NRCAM: variants seen among roughly 807,000 people sequenced by gnomAD.
NRCAM encodes the protein neuronal cell adhesion molecule.
Under a neutral mutation model 156.5 loss-of-function variants are expected in NRCAM, and 83 were observed. That is an observed-to-expected ratio of 0.53 (90% CI 0.44 to 0.64). The LOEUF (loss-of-function observed/expected upper bound fraction) is 0.64, where lower values mean the gene tolerates loss of function less well. NRCAM is among the 30% of genes least tolerant of loss of function. NRCAM has a pLI of 0.00. For missense variants in NRCAM, 1,417 were observed against 1,597.3 expected (o/e 0.89, Z 1.92); for synonymous variants, 538 against 563.9 (o/e 0.95, Z 0.65).
chr7:108,377,873 C>T (rs564761331), intron 2 of NRCAM, among the ~76,000 whole-genome samples: 16 of 152,218 alleles, frequency 1.1e-4, no homozygotes, highest in Admixed American at 3.9e-4. Context: ...CAGAGGATAA[C>T]GGTAGAGTGA....
Position 108,358,045 on chromosome 7 carries a change from A to G in NRCAM, c.-174+41391T>C, listed in dbSNP as rs2099518970. Among the ~76,000 whole-genome samples the G allele has an allele frequency of 2.6e-5, 4 of 152,274 alleles. No individual in the cohort carries two copies. In the South Asian group the frequency reaches 8.3e-4, roughly 32 times the overall value. ...CTTGTGATTGAAATCTTCATAAGCC[A>G]AAGCTAAAAACCACAAATGTTCCCT... On this transcript the variant is annotated intron_variant, in intron 2 of 32. Transcript: ENST00000379028.
At chr7:108,451,296 G>T (rs1850086592) in intron 1 of NRCAM, among the ~76,000 whole-genome samples, 1 of 151,852 alleles carries the variant, frequency 6.6e-6, no homozygotes, top group African/African-American at 2.4e-5. Flanking sequence ...CTATTATCAA[G>T]AAAACAGAAA....
At chr7:108,220,759 A>G (rs1019793067) in intron 11 of NRCAM, among the ~76,000 whole-genome samples, 1 of 152,202 alleles carries the variant, frequency 6.6e-6, no homozygotes, top group Non-Finnish European at 1.5e-5. Flanking sequence ...AAAATATCAT[A>G]GGAAAACCCC....
chr7:108,392,475 A>C (rs1030844965), intron 2 of NRCAM, among the ~76,000 whole-genome samples: 2 of 152,152 alleles, frequency 1.3e-5, no homozygotes, highest in African/African-American at 4.8e-5. Flanking sequence ...CCATTCGTCT[A>C]ATCTTTTTTC....
At chr7:108,434,220 C>G (rs1829369389) in intron 1 of NRCAM, among the ~76,000 whole-genome samples, 1 of 152,186 alleles carries the variant, frequency 6.6e-6, no homozygotes, top group Non-Finnish European at 1.5e-5. Context: ...TTCACTCAAC[C>G]AGGGCAGGAC....
chr7:108,229,011 GA>G (rs1409405236), intron 8 of NRCAM, among the ~76,000 whole-genome samples: 2 of 152,132 alleles, frequency 1.3e-5, no homozygotes, highest in African/African-American at 4.8e-5. Flanking sequence ...TTAAATGTTA[GA>G]GGCAAATTTT....
At chr7:108,372,246 CTG>C (rs2154343274) in intron 2 of NRCAM, among the ~76,000 whole-genome samples, 1 of 152,160 alleles carries the variant, frequency 6.6e-6, no homozygotes, top group South Asian at 2.1e-4. Flanking sequence ...AGCCCTGAAA[CTG>C]TAACACACCT....
intron 3 of NRCAM, among the ~76,000 whole-genome samples, chr7:108,304,761 A>G (rs532874649): frequency 4.1e-4 from 62 of 152,324 alleles, no homozygotes; most frequent in African/African-American, 1.5e-3. Flanking sequence ...CATTTGACTC[A>G]TAACTGAGGG....
At chr7:108,161,123 T>G (rs1227597880) in intron 30 of NRCAM, among the ~76,000 whole-genome samples, 2 of 152,236 alleles carry the variant, frequency 1.3e-5, no homozygotes, top group Non-Finnish European at 2.9e-5. Flanking sequence ...GAGTTGGTTC[T>G]GAGTGGAAAT....
At chr7:108,318,515 C>CA (rs2098959803) in intron 2 of NRCAM, among the ~76,000 whole-genome samples, 1 of 152,164 alleles carries the variant, frequency 6.6e-6, no homozygotes, top group African/African-American at 2.4e-5. Flanking sequence ...ATATCAGGAA[C>CA]GTTCCACAGG....
At chr7:108,404,880 G>A (rs544180724) in intron 1 of NRCAM, among the ~76,000 whole-genome samples, 5 of 152,154 alleles carry the variant, frequency 3.3e-5, no homozygotes, top group South Asian at 2.1e-4. Flanking sequence ...GTTTTGGAAC[G>A]TTTTCTGGCA....
At chr7:108,347,428 C>T (rs1348301329) in intron 2 of NRCAM, among the ~76,000 whole-genome samples, 3 of 152,040 alleles carry the variant, frequency 2.0e-5, no homozygotes, top group Non-Finnish European at 4.4e-5. Flanking sequence ...GCCAGGTGAG[C>T]AGTAAAAGAA....
intron 2 of NRCAM, among the ~76,000 whole-genome samples, chr7:108,388,722 G>C (rs2099749605): frequency 6.6e-6 from 1 of 152,122 alleles, no homozygotes; most frequent in Admixed American, 6.5e-5. Context: ...AATCCATCTT[G>C]AATTAATTTT....
At chr7:108,391,438 T>C (rs1563588264) in intron 2 of NRCAM, among the ~76,000 whole-genome samples, 1 of 152,142 alleles carries the variant, frequency 6.6e-6, no homozygotes. Context: ...TAGATCTTCC[T>C]CCATCCCTTT....
chr7:108,410,641 A>G (rs1281714090), intron 1 of NRCAM, among the ~76,000 whole-genome samples: 1 of 152,168 alleles, frequency 6.6e-6, no homozygotes, highest in Non-Finnish European at 1.5e-5. Context: ...TTACTTTAAT[A>G]CAGTACTAAG....
intron 3 of NRCAM, among the ~76,000 whole-genome samples, chr7:108,250,425 CAAAAAA>C (rs34274206): frequency 1.8e-4 from 12 of 67,402 alleles, no homozygotes; most frequent in Non-Finnish European, 2.7e-4. Context: ...CATCTTACCT[CAAAAAA>C]AAAAAAAAAA....
At chr7:108,181,730 CAAAT>C (rs2063602333) in intron 24 of NRCAM, 88 bp downstream of exon 24, 1 of 730,092 alleles carries the variant, frequency 1.4e-6, no homozygotes, top group Non-Finnish European at 2.2e-6. Context: ...AGCAATGAAA[CAAAT>C]AAGCCCCACC....
chr7:108,300,877 CG>C (rs757526685), intron 3 of NRCAM, among the ~76,000 whole-genome samples: 19 of 151,868 alleles, frequency 1.3e-4, no homozygotes, highest in Non-Finnish European at 2.2e-4. Context: ...AAAAAAATTA[CG>C]TTTTTTTAAA....
In NRCAM at chr7:108,191,882, G is replaced by A. The variant is rs532440829; in HGVS notation, c.1779-29C>T. ...TGGATAGAATGCATTCAGAGCAGCT[G>A]AAATGGACATGCAGCCGTACCCTAT... On this transcript the variant is annotated intron_variant, in intron 17 of 32. Transcript: ENST00000379028. 13 of 1,604,198 alleles carry A rather than the reference G, an allele frequency of 8.1e-6. No individual in the cohort carries two copies. In the African/African-American group the frequency reaches 1.3e-4, roughly 17 times the overall value.
Sources: allele counts gnomAD v4.1 joint callset (sites outside exome capture counted in the v4.1 genomes callset), GRCh38; gene constraint gnomAD v4.1.1; transcripts MANE v1.5; gene names NCBI Gene and HGNC (gene_info 2026-07-23, HGNC 2026-07-21).